MACROD2: variants seen among roughly 807,000 people sequenced by gnomAD.
MACROD2 encodes ADP-ribose glycohydrolase MACROD2.
Under a neutral mutation model 70.4 loss-of-function variants are expected in MACROD2, and 36 were observed. The ratio of observed to expected loss-of-function variants is 0.51; its 90% CI spans 0.39 to 0.68. The LOEUF (loss-of-function observed/expected upper bound fraction) is 0.68. Among genes scored for constraint, MACROD2 ranks in the 30% least tolerant of loss-of-function variants. The pLI is 0.00. For missense variants in MACROD2, 496 were observed against 538.4 expected, an observed-to-expected ratio of 0.92 and a Z score of 0.78; for synonymous variants, 172 against 178.8, an observed-to-expected ratio of 0.96 and a Z score of 0.30.
At chr20:15,425,226 G>C (rs544536023) in intron 6 of MACROD2, among the ~76,000 whole-genome samples, 2 of 152,288 alleles carry the variant, frequency 1.3e-5, no homozygotes, top group African/African-American at 4.8e-5. Context: ...TGAATGTGAG[G>C]AAGTTTTAGG....
At chr20:15,094,133 G>C (rs12481197) in intron 5 of MACROD2, among the ~76,000 whole-genome samples, 1 of 152,106 alleles carries the variant, frequency 6.6e-6, no homozygotes, top group African/African-American at 2.4e-5. Context: ...ACTTCCTTTA[G>C]ACTTTAACTT....
chr20:14,054,254 T>C (rs2053607274), intron 2 of MACROD2, among the ~76,000 whole-genome samples: 1 of 151,478 alleles, frequency 6.6e-6, no homozygotes, highest in East Asian at 1.9e-4. Flanking sequence ...CTGGGGAAAC[T>C]TGTAGAGTGT....
chr20:14,203,525 T>C (rs761437980), intron 3 of MACROD2, among the ~76,000 whole-genome samples: 3 of 152,206 alleles, frequency 2.0e-5, no homozygotes, highest in Non-Finnish European at 4.4e-5. Context: ...TCCAATTTCA[T>C]GGATTGGCCT....
intron 3 of MACROD2, among the ~76,000 whole-genome samples, chr20:14,490,968 T>C (rs535299695): frequency 6.6e-6 from 1 of 152,282 alleles, no homozygotes; most frequent in South Asian, 2.1e-4. Context: ...GGCCAAACCA[T>C]TGAACTCAGA....
intron 12 of MACROD2, among the ~76,000 whole-genome samples, chr20:15,953,125 C>T (rs374504782): frequency 5.0e-4 from 76 of 152,062 alleles, no homozygotes; most frequent in Non-Finnish European, 7.5e-4. Flanking sequence ...AGTTAAACAC[C>T]GCATGTTTTC....
intron 8 of MACROD2, among the ~76,000 whole-genome samples, chr20:15,829,110 G>C (rs963399351): frequency 1.4e-5 from 2 of 144,606 alleles, no homozygotes; most frequent in South Asian, 5.0e-4. Context: ...GATTATTATC[G>C]GAAAAAAAAA....
intron 1 of MACROD2, 59 bp from the exon 2 acceptor site, chr20:14,002,229 A>G (rs1381509167): frequency 8.6e-7 from 1 of 1,159,254 alleles, no homozygotes; most frequent in Admixed American, 2.3e-5. Context: ...TAAAGTATAA[A>G]AATAATTCCC....
intron 10 of MACROD2, among the ~76,000 whole-genome samples, chr20:15,890,730 A>C (rs2064877803): frequency 6.6e-6 from 1 of 152,146 alleles, no homozygotes; most frequent in South Asian, 2.1e-4. Context: ...CACATCTATC[A>C]AATGTGGGGT....
chr20:15,442,455 C>G (rs999651347), intron 7 of MACROD2, among the ~76,000 whole-genome samples: 2 of 152,116 alleles, frequency 1.3e-5, no homozygotes, highest in African/African-American at 4.8e-5. Flanking sequence ...ACCATGGTGT[C>G]AATGCCTTCC....
At chr20:15,801,508 C>A (rs181250061) in intron 8 of MACROD2, among the ~76,000 whole-genome samples, 4 of 151,782 alleles carry the variant, frequency 2.6e-5, no homozygotes, top group African/African-American at 9.7e-5. Flanking sequence ...AATCAGTTGG[C>A]TGAAATACAT....
At chr20:14,091,806 T>C (rs1235940095) in intron 3 of MACROD2, among the ~76,000 whole-genome samples, 1 of 152,186 alleles carries the variant, frequency 6.6e-6, no homozygotes, top group Non-Finnish European at 1.5e-5. Flanking sequence ...GTTCATTGTA[T>C]GGATGTACCA....
intron 8 of MACROD2, among the ~76,000 whole-genome samples, chr20:15,629,121 G>A (rs1249470743): frequency 6.6e-6 from 1 of 152,124 alleles, no homozygotes; most frequent in African/African-American, 2.4e-5. Flanking sequence ...TCGCATTTCT[G>A]TGGAGTTATA....
intron 8 of MACROD2, among the ~76,000 whole-genome samples, chr20:15,811,109 C>T (rs2063816487): frequency 6.6e-6 from 1 of 152,042 alleles, no homozygotes; most frequent in Admixed American, 6.6e-5. Context: ...AACTAAAGAG[C>T]TTCTACACAG....
intron 10 of MACROD2, among the ~76,000 whole-genome samples, chr20:15,889,941 C>A (rs968368336): frequency 1.3e-5 from 2 of 152,128 alleles, no homozygotes; most frequent in Non-Finnish European, 2.9e-5. Flanking sequence ...AGAAGCAACT[C>A]TCTTCTTCAC....
At chr20:15,528,116 G>A (rs1203092838) in intron 8 of MACROD2, among the ~76,000 whole-genome samples, 1 of 149,556 alleles carries the variant, frequency 6.7e-6, no homozygotes, top group African/African-American at 2.5e-5. Context: ...AGCCCTCCAG[G>A]GGTATTTGGC....
chr20:14,781,781 A>G (rs1004983415), intron 5 of MACROD2, among the ~76,000 whole-genome samples: 10 of 151,990 alleles, frequency 6.6e-5, no homozygotes, highest in Admixed American at 6.6e-4. Flanking sequence ...AAAAAGAGGC[A>G]GATTTAGTTA....
chr20:14,227,306 C>G (rs1001948444), intron 3 of MACROD2, among the ~76,000 whole-genome samples: 35 of 152,006 alleles, frequency 2.3e-4, no homozygotes, highest in Non-Finnish European at 4.3e-4. Flanking sequence ...GCTCGGGTCC[C>G]CTTTCACATG....
At chr20:15,433,341 G>A (rs1386352486) in intron 7 of MACROD2, among the ~76,000 whole-genome samples, 7 of 148,624 alleles carry the variant, frequency 4.7e-5, no homozygotes, top group East Asian at 2.0e-4. Flanking sequence ...TCTGATAAAC[G>A]AATTCAGGAA....
Position 15,577,299 on chromosome 20 carries a change from A to C in MACROD2, c.645+77452A>C, listed in dbSNP as rs76590715. Among the ~76,000 whole-genome samples the C allele has an allele frequency of 6.4e-3, 979 of 152,124 alleles. 11 individuals carry two copies. The highest frequency in any genetic ancestry group is 0.022 in the African/African-American group (909 of 41,480). On this transcript the variant is annotated intron_variant, in intron 8 of 17. Coordinates refer to ENST00000684519, the MANE Select transcript of MACROD2 (RefSeq NM_001351661.2). The stretch of plus-strand genomic sequence containing the variant: ...CCAGCTCCACCAGTTATCGACTCAC[A>C]TCTACTCAGAGTTCATATCTACCCC...
Sources: gnomAD v4.1 joint callset for allele counts (sites outside exome capture counted in the v4.1 genomes callset) on GRCh38, gnomAD v4.1.1 for gene constraint, MANE v1.5 for transcripts, NCBI Gene and HGNC (gene_info 2026-07-23, HGNC 2026-07-21) for gene names.